Variants in PRKG1 observed in about 807,000 individuals in gnomAD.
The protein encoded by PRKG1 is protein kinase cGMP-dependent 1, also known as cGMP-dependent protein kinase 1.
PRKG1 carries 35 observed loss-of-function variants against 88.1 expected under a neutral mutation model. That is an observed-to-expected ratio of 0.40 (90% CI 0.30 to 0.53). The LOEUF (loss-of-function observed/expected upper bound fraction) is 0.53. PRKG1 is among the 20% of genes least tolerant of loss of function. PRKG1 has a pLI of 0.59. For missense variants in PRKG1, 540 were observed against 839.8 expected, an observed-to-expected ratio of 0.64 and a Z score of 4.41; for synonymous variants, 303 against 292.5, an observed-to-expected ratio of 1.04 and a Z score of -0.37.
At chr10:52,132,735 G>A (rs1290717683) in intron 7 of PRKG1, among the ~76,000 whole-genome samples, 1 of 151,630 alleles carries the variant, frequency 6.6e-6, no homozygotes, top group Non-Finnish European at 1.5e-5. Flanking sequence ...TATTGTTTTT[G>A]GAAAAAGTAA....
intron 2 of PRKG1, chr10:51,302,666 G>C (rs929026984): frequency 6.6e-6 from 1 of 151,864 alleles, no homozygotes; most frequent in African/African-American, 2.4e-5. Flanking sequence ...AAGCTTCCAG[G>C]CTACAAGAGA....
intron 10 of PRKG1, among the ~76,000 whole-genome samples, chr10:52,263,208 TAG>T (rs1218835388): frequency 1.3e-5 from 2 of 152,106 alleles, no homozygotes; most frequent in African/African-American, 4.8e-5. Context: ...TAACAGAAAT[TAG>T]AGTTTAAAAA....
chr10:51,846,389 G>A (rs543093965), intron 4 of PRKG1, among the ~76,000 whole-genome samples: 1 of 152,216 alleles, frequency 6.6e-6, no homozygotes, highest in Non-Finnish European at 1.5e-5. Flanking sequence ...ATAAATTGAT[G>A]TTAACATAAC....
At chr10:51,550,359 CT>C (rs1186555177) in intron 3 of PRKG1, among the ~76,000 whole-genome samples, 3 of 151,922 alleles carry the variant, frequency 2.0e-5, no homozygotes, top group African/African-American at 7.2e-5. Context: ...TTTGTCTTTT[CT>C]TTTGCTGTCT....
chr10:51,580,015 T>C (rs80341257), intron 3 of PRKG1, among the ~76,000 whole-genome samples: 10,485 of 152,138 alleles, frequency 0.069, 1,181 homozygotes, highest in African/African-American at 0.24. Flanking sequence ...CTGGAAGTAA[T>C]AACGCTTCTC....
chr10:51,655,374 G>T (rs1294085565), intron 3 of PRKG1, among the ~76,000 whole-genome samples: 1 of 151,990 alleles, frequency 6.6e-6, no homozygotes, highest in African/African-American at 2.4e-5. Flanking sequence ...AGCATATAAT[G>T]GATACTTTGT....
chr10:51,896,829 A>C (rs1841863249), intron 4 of PRKG1, among the ~76,000 whole-genome samples: 1 of 152,094 alleles, frequency 6.6e-6, no homozygotes, highest in South Asian at 2.1e-4. Flanking sequence ...CTTTTATCAC[A>C]TATGTAATAA....
At chr10:52,223,411 A>T (rs1431366389) in intron 9 of PRKG1, among the ~76,000 whole-genome samples, 4 of 152,086 alleles carry the variant, frequency 2.6e-5, no homozygotes, top group Non-Finnish European at 4.4e-5. Context: ...CTAGAACCCC[A>T]TATTCTCCTA....
At chr10:52,091,726 C>T (rs1446039385) in intron 7 of PRKG1, among the ~76,000 whole-genome samples, 1 of 152,116 alleles carries the variant, frequency 6.6e-6, no homozygotes, top group Non-Finnish European at 1.5e-5. Flanking sequence ...TGTGAGAAAA[C>T]TATATCAAAG....
chr10:51,042,487 A>C (rs994064096), intron 1 of PRKG1, among the ~76,000 whole-genome samples: 6 of 152,198 alleles, frequency 3.9e-5, no homozygotes, highest in African/African-American at 9.7e-5. Flanking sequence ...AATGAGCCAT[A>C]CTGTCGTATC....
chr10:51,705,967 A>G (rs1841594898), intron 3 of PRKG1, among the ~76,000 whole-genome samples: 2 of 152,216 alleles, frequency 1.3e-5, no homozygotes, highest in South Asian at 4.1e-4. Context: ...ACGCCTGGGC[A>G]CCATCTCCCT....
intron 3 of PRKG1, among the ~76,000 whole-genome samples, chr10:51,608,130 A>T (rs1457016361): frequency 6.6e-6 from 1 of 152,196 alleles, no homozygotes; most frequent in East Asian, 1.9e-4. Flanking sequence ...GCTTGGCTCA[A>T]ATACAGTCAT....
At chr10:51,504,873 T>C (rs1360972634) in intron 3 of PRKG1, among the ~76,000 whole-genome samples, 1 of 152,204 alleles carries the variant, frequency 6.6e-6, no homozygotes, top group African/African-American at 2.4e-5. Context: ...GATGTTGGGC[T>C]GAGACGATGG....
At chr10:51,564,212 GCAAAACAAAA>G (rs144706488) in intron 3 of PRKG1, among the ~76,000 whole-genome samples, 3 of 149,140 alleles carry the variant, frequency 2.0e-5, no homozygotes, top group African/African-American at 7.7e-5. Context: ...AAATAAACAG[GCAAAACAAAA>G]CAAAACAAAA....
chr10:51,442,857 C>T (rs1027427985), intron 2 of PRKG1, among the ~76,000 whole-genome samples: 2 of 152,014 alleles, frequency 1.3e-5, no homozygotes, highest in Non-Finnish European at 2.9e-5. Flanking sequence ...TTATCTCTAA[C>T]AGTTCTGTGG....
chr10:51,945,755 C>A (rs12246039), intron 5 of PRKG1, among the ~76,000 whole-genome samples: 9,274 of 149,478 alleles, frequency 0.062, 919 homozygotes, highest in African/African-American at 0.21. Context: ...GTTGAAAATT[C>A]TTTTCTTTAA....
intron 3 of PRKG1, among the ~76,000 whole-genome samples, chr10:51,593,078 A>G (rs1282040263): frequency 6.6e-6 from 1 of 152,220 alleles, no homozygotes; most frequent in East Asian, 1.9e-4. Context: ...TTTTCAGAAA[A>G]TAATTGTTTT....
chr10:51,083,206 A>C (rs1012345426), intron 1 of PRKG1, among the ~76,000 whole-genome samples: 1 of 152,194 alleles, frequency 6.6e-6, no homozygotes, highest in African/African-American at 2.4e-5. Context: ...CCTGGGGCAC[A>C]CAAAAGTGGC....
intron 3 of PRKG1, among the ~76,000 whole-genome samples, chr10:51,540,501 T>G (rs1842273075): frequency 6.6e-6 from 1 of 152,172 alleles, no homozygotes; most frequent in South Asian, 2.1e-4. Flanking sequence ...ACCTAATTGC[T>G]TATTTGTTTC....
Sources: allele counts gnomAD v4.1 joint callset (sites outside exome capture counted in the v4.1 genomes callset), GRCh38; gene constraint gnomAD v4.1.1; transcripts MANE v1.5; gene names NCBI Gene and HGNC (gene_info 2026-07-23, HGNC 2026-07-21).